The following HSPA12A variants were observed in gnomAD, a reference collection of about 807,000 sequenced individuals.
HSPA12A encodes heat shock protein family A (Hsp70) member 12A.
HSPA12A carries 28 observed loss-of-function variants against 69.2 expected under a neutral mutation model. The observed-to-expected ratio is 0.40, with a 90% CI of 0.30 to 0.55. The LOEUF is 0.55. Among genes scored for constraint, HSPA12A ranks in the 20% least tolerant of loss-of-function variants. HSPA12A has a pLI of 0.38. For missense variants in HSPA12A, 686 were observed against 900.7 expected, an observed-to-expected ratio of 0.76 and a Z score of 3.05; for synonymous variants, 345 against 370.5, an observed-to-expected ratio of 0.93 and a Z score of 0.79.
intron 2 of HSPA12A, among the ~76,000 whole-genome samples, chr10:116,763,348 C>T (rs1054771495): frequency 2.0e-5 from 3 of 152,098 alleles, no homozygotes; most frequent in South Asian, 2.1e-4. Context: ...CAAATGACAC[C>T]GGTGAAACAC....
chr10:116,765,392 C>G (rs916531874), intron 2 of HSPA12A, among the ~76,000 whole-genome samples: 14 of 151,872 alleles, frequency 9.2e-5, no homozygotes, highest in Non-Finnish European at 1.6e-4. Context: ...GCTGAAAGAC[C>G]AAGGAGGCAA....
chr10:116,792,797 G>C (rs993257084), intron 2 of HSPA12A, among the ~76,000 whole-genome samples: 1 of 136,294 alleles, frequency 7.3e-6, no homozygotes, highest in Middle Eastern at 3.5e-3. Flanking sequence ...TCTCAAAAAA[G>C]AAAAGAAAAG....
At chr10:116,697,287 C>T (rs943030896) in intron 5 of HSPA12A, among the ~76,000 whole-genome samples, 3 of 152,180 alleles carry the variant, frequency 2.0e-5, no homozygotes, top group African/African-American at 7.2e-5. Context: ...CTGATCCCCA[C>T]CCACTGGTCT....
chr10:116,767,834 T>C (rs1283981710), intron 2 of HSPA12A, among the ~76,000 whole-genome samples: 4 of 152,204 alleles, frequency 2.6e-5, no homozygotes, highest in African/African-American at 9.7e-5. Flanking sequence ...CTCTCGGCAC[T>C]ATGTTCCCTA....
chr10:116,849,302 A>G (rs17095335), intron 1 of HSPA12A, among the ~76,000 whole-genome samples: 131 of 152,312 alleles, frequency 8.6e-4, no homozygotes, highest in African/African-American at 3.0e-3. Context: ...AAAAGTGGTG[A>G]AAAACGAAGC....
chr10:116,742,420 C>T lies in HSPA12A; in HGVS notation c.40+10G>A. 7.0e-7 allele frequency: 1 copy of T among 1,435,158 alleles called. No individual in the cohort carries two copies. The highest frequency in any genetic ancestry group is 9.1e-7 in the Non-Finnish European group (1 of 1,096,192). The allele number at this position is 1,435,158 out of a possible 1,614,324, so 88.9% of individuals were successfully genotyped here. A position where few individuals can be genotyped will look rare whatever the true frequency, so the allele number is the denominator to read the frequency against. ...CAGCCGCGGCCGCAGGACCCGCAGC[C>T]TGCGCTCACCTCGGGGCCCGTCGCT... On this transcript the variant is annotated intron_variant, in intron 1 of 11. Transcript: ENST00000369209.
At chr10:116,746,997 GCTAAAGCAACATAAAAA>G (rs1225748603), upstream of HSPA12A, among the ~76,000 whole-genome samples, 1 of 152,294 alleles carries the variant, frequency 6.6e-6, no homozygotes, top group African/African-American at 2.4e-5. Flanking sequence ...ATTCAGATTT[GCTAAAGCAACATAAAAA>G]CTTGCAGAGA....
intron 6 of HSPA12A, among the ~76,000 whole-genome samples, chr10:116,688,397 T>C (rs1849640693): frequency 1.3e-5 from 2 of 152,210 alleles, no homozygotes; most frequent in South Asian, 4.1e-4. Flanking sequence ...AGCGACATCG[T>C]AGTAGCTTTT....
chr10:116,685,221 TCTC>T (rs1849543883), intron 6 of HSPA12A, among the ~76,000 whole-genome samples: 1 of 152,022 alleles, frequency 6.6e-6, no homozygotes, highest in African/African-American at 2.4e-5. Flanking sequence ...GTTCAGAAGG[TCTC>T]CTAATGTCAC....
intron 2 of HSPA12A, among the ~76,000 whole-genome samples, chr10:116,819,336 A>G (rs61872977): frequency 6.6e-6 from 1 of 152,108 alleles, no homozygotes; most frequent in Admixed American, 6.5e-5. Context: ...TTCCCCTTGC[A>G]CTTTACATAG....
intron 1 of HSPA12A, among the ~76,000 whole-genome samples, chr10:116,838,306 G>A (rs997604570): frequency 1.3e-5 from 2 of 152,176 alleles, no homozygotes; most frequent in Admixed American, 1.3e-4. Flanking sequence ...CATTCTGTGT[G>A]GGAGGGAGGC....
intron 2 of HSPA12A, among the ~76,000 whole-genome samples, chr10:116,770,321 C>T (rs1554890270): frequency 6.6e-6 from 1 of 152,170 alleles, no homozygotes; most frequent in East Asian, 1.9e-4. Context: ...TGAAAGGCTT[C>T]CTGCAGACCC....
chr10:116,832,588 A>G (rs1433040995), intron 2 of HSPA12A: 1 of 152,228 alleles, frequency 6.6e-6, no homozygotes, highest in Non-Finnish European at 1.5e-5. Flanking sequence ...AGGTCAGCCT[A>G]TTGGTCAATT....
At chr10:116,690,507 C>T (rs781824955) in intron 6 of HSPA12A, among the ~76,000 whole-genome samples, 11 of 152,212 alleles carry the variant, frequency 7.2e-5, no homozygotes, top group African/African-American at 1.7e-4. Context: ...GGATCAAAAA[C>T]GAAGCTGCAA....
At chr10:116,711,030 C>G (rs1443975163) in intron 1 of HSPA12A, among the ~76,000 whole-genome samples, 1 of 152,202 alleles carries the variant, frequency 6.6e-6, no homozygotes, top group Non-Finnish European at 1.5e-5. Context: ...AGAATATTAT[C>G]TATTAATCTA....
chr10:116,806,132 G>A (rs1440189077), intron 2 of HSPA12A, among the ~76,000 whole-genome samples: 1 of 152,192 alleles, frequency 6.6e-6, no homozygotes, highest in Non-Finnish European at 1.5e-5. Context: ...AAAGTTACCA[G>A]AGAGATGGCC....
intron 3 of HSPA12A, among the ~76,000 whole-genome samples, chr10:116,702,412 C>T (rs1554881745): frequency 6.6e-6 from 1 of 152,164 alleles, no homozygotes; most frequent in Admixed American, 6.5e-5. Context: ...TGATCCCGGA[C>T]CTGCTCCCGA....
exon 2 of HSPA12A, chr10:116,834,991 C>G: frequency 8.1e-7 from 1 of 1,231,608 alleles, no homozygotes; most frequent in African/African-American, 1.6e-5. Flanking sequence ...TGCTTTACAC[C>G]CACAGAATCC....
chr10:116,794,262 A>G (rs957153614), intron 2 of HSPA12A, among the ~76,000 whole-genome samples: 3 of 152,180 alleles, frequency 2.0e-5, no homozygotes, highest in Non-Finnish European at 2.9e-5. Context: ...TGCTCCTGGT[A>G]AAAGATAAAG....
Sources: gnomAD v4.1 joint callset for allele counts (sites outside exome capture counted in the v4.1 genomes callset) on GRCh38, gnomAD v4.1.1 for gene constraint, MANE v1.5 for transcripts, NCBI Gene and HGNC (gene_info 2026-07-23, HGNC 2026-07-21) for gene names.